The following CDKAL1 variants were observed in gnomAD, a reference collection of about 807,000 sequenced individuals.
CDKAL1 encodes threonylcarbamoyladenosine tRNA methylthiotransferase.
CDKAL1 carries 32 observed loss-of-function variants against 68.2 expected under a neutral mutation model. That is an observed-to-expected ratio of 0.47 (90% confidence interval 0.35 to 0.63). CDKAL1 has a LOEUF of 0.63. Among genes scored for constraint, CDKAL1 ranks in the 30% least tolerant of loss-of-function variants. The pLI is 0.00. For missense variants in CDKAL1, 606 were observed against 696.7 expected (o/e 0.87, Z 1.47); for synonymous variants, 234 against 244.3 (o/e 0.96, Z 0.39).
At chr6:20,803,877 C>T (rs1776464996) in intron 8 of CDKAL1, among the ~76,000 whole-genome samples, 1 of 151,960 alleles carries the variant, frequency 6.6e-6, no homozygotes, top group African/African-American at 2.4e-5. Flanking sequence ...CATATGGGAT[C>T]GAGAATGTAG....
At chr6:21,182,166 T>C (rs1777817087) in intron 13 of CDKAL1, among the ~76,000 whole-genome samples, 1 of 152,230 alleles carries the variant, frequency 6.6e-6, no homozygotes, top group Admixed American at 6.5e-5. Flanking sequence ...ATAGCTGCTC[T>C]TTGTTATGAA....
intron 8 of CDKAL1, among the ~76,000 whole-genome samples, chr6:20,840,302 T>C (rs1255037957): frequency 2.6e-5 from 4 of 152,148 alleles, no homozygotes; most frequent in Non-Finnish European, 4.4e-5. Context: ...ATTTTAAAGA[T>C]TGTGATGATT....
At chr6:20,800,326 A>G (rs926867959) in intron 8 of CDKAL1, among the ~76,000 whole-genome samples, 6 of 152,214 alleles carry the variant, frequency 3.9e-5, no homozygotes, top group Admixed American at 1.3e-4. Flanking sequence ...ATGCAGAGTA[A>G]AAGAACCCAG....
At chr6:20,694,066 G>A (rs983569839) in intron 5 of CDKAL1, among the ~76,000 whole-genome samples, 11 of 145,218 alleles carry the variant, frequency 7.6e-5, no homozygotes, top group African/African-American at 1.5e-4. Flanking sequence ...GTGTGTATGT[G>A]TGTGTGTGTG....
chr6:20,977,226 A>G (rs1418005128), intron 10 of CDKAL1, among the ~76,000 whole-genome samples: 3 of 152,348 alleles, frequency 2.0e-5, no homozygotes, highest in South Asian at 2.1e-4. Context: ...AGTAGTGAAC[A>G]TAAAGCTTAT....
intron 15 of CDKAL1, 107 bp downstream of exon 15, chr6:21,201,381 G>A (rs770950629): frequency 1.1e-6 from 1 of 917,896 alleles, no homozygotes; most frequent in Non-Finnish European, 1.6e-6. Flanking sequence ...CCCTTTTTAT[G>A]TATGCATGAG....
chr6:21,217,561 G>A (rs954686871), intron 15 of CDKAL1, among the ~76,000 whole-genome samples: 4 of 151,524 alleles, frequency 2.6e-5, no homozygotes, highest in Non-Finnish European at 5.9e-5. Flanking sequence ...GCAATAACAC[G>A]ATCTCGGCTC....
At chr6:20,597,447 CT>C (rs1467976130) in intron 4 of CDKAL1, among the ~76,000 whole-genome samples, 1 of 151,312 alleles carries the variant, frequency 6.6e-6, no homozygotes, top group African/African-American at 2.4e-5. Context: ...CAGAGTCTCA[CT>C]CTTTGAACCA....
chr6:20,600,789 C>CACATATATATATATATATATAT (rs1368188844), intron 4 of CDKAL1, among the ~76,000 whole-genome samples: 141 of 130,482 alleles, frequency 1.1e-3, no homozygotes, highest in Middle Eastern at 3.8e-3. Context: ...TATATATATA[C>CACATATATATATATATATATAT]ACACACACAC....
chr6:20,559,888 G>C (rs1764201512), intron 4 of CDKAL1, among the ~76,000 whole-genome samples: 1 of 152,174 alleles, frequency 6.6e-6, no homozygotes, highest in Admixed American at 6.5e-5. Context: ...GAAATAGCGT[G>C]TGTTTAAATA....
intron 6 of CDKAL1, among the ~76,000 whole-genome samples, chr6:20,740,069 T>C (rs1773379462): frequency 6.6e-6 from 1 of 152,180 alleles, no homozygotes; most frequent in African/African-American, 2.4e-5. Context: ...CTACTCCGTG[T>C]AGTCCACCAT....
At chr6:20,990,351 G>A (rs960075810) in intron 10 of CDKAL1, among the ~76,000 whole-genome samples, 14 of 152,204 alleles carry the variant, frequency 9.2e-5, no homozygotes, top group Non-Finnish European at 2.1e-4. Context: ...GTTTCAAGAT[G>A]TGTATTTCTA....
chr6:20,847,331 T>A (rs192528226), intron 9 of CDKAL1, among the ~76,000 whole-genome samples: 21 of 152,262 alleles, frequency 1.4e-4, no homozygotes, highest in Non-Finnish European at 2.8e-4. Context: ...AACCAATACT[T>A]CCAAGGATTT....
intron 4 of CDKAL1, among the ~76,000 whole-genome samples, chr6:20,558,032 AT>A (rs1764128864): frequency 6.6e-6 from 1 of 152,316 alleles, no homozygotes; most frequent in African/African-American, 2.4e-5. Context: ...ATGTTAGGTT[AT>A]TTGCATGAAC....
chr6:20,717,870 T>C (rs1196140981), intron 5 of CDKAL1, among the ~76,000 whole-genome samples: 1 of 152,180 alleles, frequency 6.6e-6, no homozygotes, highest in Non-Finnish European at 1.5e-5. Context: ...GGTTCTCTAA[T>C]TTTTCATCAG....
At chr6:21,080,717 C>T (rs945023623) in intron 12 of CDKAL1, among the ~76,000 whole-genome samples, 3 of 152,292 alleles carry the variant, frequency 2.0e-5, no homozygotes, top group Middle Eastern at 6.8e-3. Flanking sequence ...ATTCCATTAC[C>T]ATGTAAATCA....
chr6:21,143,891 T>C (rs770535393), intron 13 of CDKAL1, among the ~76,000 whole-genome samples: 6 of 152,124 alleles, frequency 3.9e-5, no homozygotes, highest in Non-Finnish European at 7.3e-5. Flanking sequence ...CTGGATCGAC[T>C]CAGGTTCTGG....
chr6:21,166,862 A>G (rs1393709676), intron 13 of CDKAL1, among the ~76,000 whole-genome samples: 4 of 152,176 alleles, frequency 2.6e-5, no homozygotes, highest in Non-Finnish European at 4.4e-5. Flanking sequence ...ATTCATATCT[A>G]CATCAGTGCC....
chr6:20,741,141 A>G (rs975616757), intron 6 of CDKAL1, among the ~76,000 whole-genome samples: 5 of 152,004 alleles, frequency 3.3e-5, no homozygotes, highest in Admixed American at 2.0e-4. Flanking sequence ...TGTACAGGAG[A>G]TTCTCCAGAT....
Sources: gnomAD v4.1 joint callset for allele counts (sites outside exome capture counted in the v4.1 genomes callset) on GRCh38, gnomAD v4.1.1 for gene constraint, MANE v1.5 for transcripts, NCBI Gene and HGNC (gene_info 2026-07-23, HGNC 2026-07-21) for gene names.